SPATA31A6: variants seen among roughly 807,000 people sequenced by gnomAD.
SPATA31A6 encodes the protein spermatogenesis-associated protein 31A6.
In SPATA31A6, 9 loss-of-function variants were observed where a neutral mutation model predicts 11.9. That is an observed-to-expected ratio of 0.76 (90% CI 0.46 to 1.32). The LOEUF (loss-of-function observed/expected upper bound fraction) is 1.32, where lower values mean the gene tolerates loss of function less well. SPATA31A6 is among the 40% of genes most tolerant of loss of function. The probability of loss-of-function intolerance (pLI) is 0.00; values close to 1 mark genes in which losing one functional copy is unlikely to be tolerated. For synonymous variants in SPATA31A6, 314 were observed against 572.1 expected, an observed-to-expected ratio of 0.55 and a Z score of 6.44; for missense variants, 855 against 1,467.3, an observed-to-expected ratio of 0.58 and a Z score of 6.82.
intron 2 of SPATA31A6, 172 bp downstream of exon 2, chr9:42,185,298 A>G: frequency 3.3e-6 from 3 of 905,448 alleles, no homozygotes; most frequent in Non-Finnish European, 3.3e-6. Context: ...TGGGCCAGGG[A>G]CTGGGCGTTA....
Position 42,186,956 on chromosome 9 carries a change from C to A in SPATA31A6, c.1254C>A (p.Gly418=). The change falls in exon 4 of 4, where the codon GGC becomes GGA. Residue 418 remains glycine (G), a synonymous_variant. Coordinates refer to ENST00000332857, the MANE Select transcript of SPATA31A6 (RefSeq NM_001145196.1). ...AGAATTATAGCCAGCTTTTCTGGGG[C>A]CTCCCCTCTCTGCACAGCGAGTCCC... ...FWKNYSQLFW[G]LPSLHSESLV... 6 of 1,543,544 alleles carry A rather than the reference C, an allele frequency of 3.9e-6. 1 individual carries two copies. Among genetic ancestry groups the A allele is most frequent in the Non-Finnish European group, 5.3e-6 (6 of 1,142,104 alleles).
Position 42,189,117 on chromosome 9 carries a change from C to T in SPATA31A6, c.3415C>T (p.His1139Tyr). 1 of 1,545,196 alleles carries T rather than the reference C, an allele frequency of 6.5e-7. No individual in the cohort carries two copies. Among genetic ancestry groups the T allele is most frequent in the East Asian group, 2.4e-5 (1 of 42,068 alleles). Residue 1139 changes from histidine (H) to tyrosine (Y), a missense_variant, in exon 4 of 4, where the codon CAT (histidine) becomes TAT (tyrosine). His to Tyr is a moderately conservative substitution (Grantham distance 83, BLOSUM62 2). Coordinates refer to ENST00000332857, the MANE Select transcript of SPATA31A6 (RefSeq NM_001145196.1). ...CCCAGTCAGGAAAACAGAAGACACC[C>T]ATCAGGATGAAGGCGTCCAGCTACT... Reference protein sequence around the residue: ...LTPVRKTEDTHQDEGVQLLPS... With the variant: ...LTPVRKTEDTYQDEGVQLLPS...
Position 42,189,250 on chromosome 9 carries a change from C to T in SPATA31A6, c.3548C>T (p.Ala1183Val), listed in dbSNP as rs527397351. 14 of 1,556,272 alleles carry T rather than the reference C, an allele frequency of 9.0e-6. 1 individual carries two copies. The East Asian group carries it at 2.6e-4, about 29-fold the overall frequency. ...AAAAGCAAGCCAGCACCAGTCACTG[C>T]TGAGAGCCAAAAAACAGTAAAAAAC... ...KKKSKPAPVTAESQKTVKNRS... is the reference protein window; with the variant it reads ...KKKSKPAPVTVESQKTVKNRS... Residue 1183 changes from alanine (A) to valine (V), a missense_variant, in exon 4 of 4, where the codon GCT (alanine) becomes GTT (valine). Coordinates refer to ENST00000332857, the MANE Select transcript of SPATA31A6 (RefSeq NM_001145196.1).
rs1367387147 is a variant in SPATA31A6, at chr9:42,189,175, A to C, written c.3473A>C (p.His1158Pro). Residue 1158 changes from histidine (H) to proline (P), a missense_variant, in exon 4 of 4, where the codon CAC becomes CCC. Coordinates refer to ENST00000332857, the MANE Select transcript of SPATA31A6 (RefSeq NM_001145196.1). ...AAGAAACAGCCTCCTTCAGTAAGCC[A>C]CTTTGGAGAAAACATCAAGCAATTT... ...PSKKQPPSVS[H>P]FGENIKQFFQ... is the part of the protein sequence containing the mutation. 5.2e-5 allele frequency: 80 copies of C among 1,544,268 alleles called. 13 individuals carry two copies. The highest frequency in any genetic ancestry group is 6.4e-5 in the Non-Finnish European group (73 of 1,138,452).
chr9:42,185,878 C>T, intron 3 of SPATA31A6, 123 bp downstream of exon 3: 5 of 1,454,216 alleles, frequency 3.4e-6, no homozygotes, highest in South Asian at 1.3e-5. Flanking sequence ...GGAGTAAAAC[C>T]CTGGGGCGAG....
chr9:42,184,172 G>C (rs1283780846), intron 1 of SPATA31A6, among the ~76,000 whole-genome samples: 3 of 137,856 alleles, frequency 2.2e-5, no homozygotes, highest in African/African-American at 8.8e-5. Context: ...GGAGGTCTCT[G>C]TCCGAGACCA....
In SPATA31A6 at chr9:42,183,804, C is replaced by A. The variant is rs771269620; in HGVS notation, c.117C>A (p.Phe39Leu). 8 of 1,534,714 alleles carry A rather than the reference C, an allele frequency of 5.2e-6. 2 individuals are homozygous for A. Among genetic ancestry groups the A allele is most frequent in the African/African-American group, 4.8e-5 (3 of 62,640 alleles). ...FLTLVFALGFFFLLLPYLSYF... is the reference protein window; with the variant it reads ...FLTLVFALGFLFLLLPYLSYF... The stretch of plus-strand genomic sequence containing the variant: ...CCTTGGTGTTTGCCCTGGGGTTCTT[C>A]TTCCTATTACTCCCCTACTTATCTT... The change falls in exon 1 of 4, where the codon TTC (phenylalanine) becomes TTA (leucine). Residue 39 changes from phenylalanine (F) to leucine (L), a missense_variant. Physicochemically the swap from Phe to Leu is conservative, Grantham distance 22 (BLOSUM62 0). Transcript: ENST00000332857.
intron 1 of SPATA31A6, 26 bp downstream of exon 1, chr9:42,183,902 C>T: frequency 6.5e-7 from 1 of 1,527,998 alleles, no homozygotes; most frequent in Admixed American, 1.8e-5. Flanking sequence ...TCCCGACCCA[C>T]AGAGCTTGAT....
In SPATA31A6 at chr9:42,183,802, T is replaced by C; in HGVS notation, c.115T>C (p.Phe39Leu). 1 of 1,535,214 alleles carries C rather than the reference T, an allele frequency of 6.5e-7. No homozygotes were observed. Among genetic ancestry groups the C allele is most frequent in the South Asian group, 1.2e-5 (1 of 86,670 alleles). ...CACCTTGGTGTTTGCCCTGGGGTTC[T>C]TCTTCCTATTACTCCCCTACTTATC... ...FLTLVFALGF[F>L]FLLLPYLSYF... Residue 39 changes from phenylalanine to leucine, a missense_variant, in exon 1 of 4, where the codon TTC (phenylalanine) becomes CTC (leucine). Transcript: ENST00000332857.
Position 42,188,957 on chromosome 9 carries a change from A to T in SPATA31A6, c.3255A>T (p.Arg1085Ser), listed in dbSNP as rs1829514686. 1 of 1,544,406 alleles carries T rather than the reference A, an allele frequency of 6.5e-7. No homozygotes were observed. The highest frequency in any genetic ancestry group is 1.5e-5 in the African/African-American group (1 of 65,170). ...GCAAACTGGTGCAAGAGGAGCCCAG[A>T]AACCCAAACTGTCAAGGCTCATGCA... is the stretch of plus-strand genomic sequence containing the variant. ...RRSKLVQEEP[R>S]NPNCQGSCKS... Residue 1085 changes from arginine to serine, a missense_variant, in exon 4 of 4, where the codon AGA becomes AGT. Coordinates refer to ENST00000332857, the MANE Select transcript of SPATA31A6 (RefSeq NM_001145196.1).
intron 1 of SPATA31A6, among the ~76,000 whole-genome samples, chr9:42,184,439 CTGTG>C (rs71364261): frequency 0.51 from 51,660 of 101,998 alleles, 14,482 homozygotes; most frequent in East Asian, 0.64. Context: ...GAAAATCCCT[CTGTG>C]TGTGTGTGTG....
At chr9:42,185,012 C>T (rs1829418709) in intron 1 of SPATA31A6, 57 bp from the exon 2 acceptor site, 1 of 1,522,706 alleles carries the variant, frequency 6.6e-7, no homozygotes, top group East Asian at 2.5e-5. Flanking sequence ...TCTTGTCTCC[C>T]ATTGTCATCT....
Position 42,185,571 on chromosome 9 carries a change from G to A in SPATA31A6, c.248-124G>A, listed in dbSNP as rs1829431190. 2.6e-6 allele frequency: 3 copies of A among 1,138,006 alleles called. 1 individual carries two copies. The highest frequency in any genetic ancestry group is 3.8e-6 in the Non-Finnish European group (3 of 795,540). The allele number at this position is 1,138,006 out of a possible 1,614,324, so 70.5% of individuals were successfully genotyped here. On this transcript the variant is annotated intron_variant, in intron 2 of 3. Coordinates refer to ENST00000332857, the MANE Select transcript of SPATA31A6 (RefSeq NM_001145196.1). Reference sequence around the variant, plus strand: ...TTAACGTCGGGGTCATGTGGCTTTGGACACAGATGGGTGGGGTCCAGGGTC... The same window carrying A: ...TTAACGTCGGGGTCATGTGGCTTTGAACACAGATGGGTGGGGTCCAGGGTC...
chr9:42,188,988 C>T lies in SPATA31A6; in HGVS notation c.3286C>T (p.Gln1096Ter), dbSNP rs1436048039. ...NPNCQGSCKS[Q>*]RPMFPPIHKS... ...AAACTGTCAAGGCTCATGCAAGAGC[C>T]AAAGGCCAATGTTTCCCCCTATTCA... The change falls in exon 4 of 4, where the codon CAA becomes TAA. Residue 1096 changes from glutamine to a stop codon, truncating the protein, a stop_gained. Transcript: ENST00000332857. LOFTEE classifies it low-confidence loss of function (END_TRUNC). The T allele has an allele frequency of 1.9e-6, 3 of 1,548,480 alleles. 1 individual carries two copies. Among genetic ancestry groups the T allele is most frequent in the East Asian group, 2.4e-5 (1 of 42,054 alleles).
At position 42,187,120 on chromosome 9, in the gene SPATA31A6, C is replaced by G. The variant is rs751077235; in HGVS notation, c.1418C>G (p.Ser473Cys). The change falls in exon 4 of 4, where the codon TCC (serine) becomes TGC (cysteine). Residue 473 changes from serine (S) to cysteine (C), a missense_variant. Ser to Cys is a moderately radical substitution (Grantham distance 112, BLOSUM62 -1). Coordinates refer to ENST00000332857, the MANE Select transcript of SPATA31A6 (RefSeq NM_001145196.1). ...SPLLFQAQPL[S>C]HRQPFISSTP... ...CTGCTTTTCCAGGCCCAGCCCCTGTCCCACCGCCAACCCTTTATTTCATCC... is the reference window on the plus strand; with the variant it reads ...CTGCTTTTCCAGGCCCAGCCCCTGTGCCACCGCCAACCCTTTATTTCATCC... 1 of 1,540,980 alleles carries G rather than the reference C, an allele frequency of 6.5e-7. No individual in the cohort carries two copies. The highest frequency in any genetic ancestry group is 1.8e-5 in the Admixed American group (1 of 57,132).
Position 42,188,939 on chromosome 9 carries a change from G to T in SPATA31A6, c.3237G>T (p.Leu1079=), listed in dbSNP as rs746988708. Residue 1079 remains leucine (L), a synonymous_variant, in exon 4 of 4, where the codon CTG becomes CTT. Coordinates refer to ENST00000332857, the MANE Select transcript of SPATA31A6 (RefSeq NM_001145196.1). ...HDLMAARRSK[L]VQEEPRNPNC... is the part of the protein sequence containing the mutation. ...TCATGGCAGCCAGAAGGAGCAAACT[G>T]GTGCAAGAGGAGCCCAGAAACCCAA... 1 of 1,541,664 alleles carries T rather than the reference G, an allele frequency of 6.5e-7. No individual in the cohort carries two copies. Among genetic ancestry groups the T allele is most frequent in the Non-Finnish European group, 8.8e-7 (1 of 1,137,262 alleles).
chr9:42,187,245 A>G lies in SPATA31A6; in HGVS notation c.1543A>G (p.Lys515Glu). The change falls in exon 4 of 4, where the codon AAG becomes GAG. Residue 515 changes from lysine (K) to glutamate (E), a missense_variant. Physicochemically the swap from Lys to Glu is moderately conservative, Grantham distance 56. Transcript: ENST00000332857. ...ATCTCCTGCTTTTCCATCCCTGATTAAGAACACTGGAGTAGCTTGCCCTGC... is the reference window on the plus strand; with the variant it reads ...ATCTCCTGCTTTTCCATCCCTGATTGAGAACACTGGAGTAGCTTGCCCTGC... Reference protein sequence around the residue: ...VLSPAFPSLIKNTGVACPASQ... With the variant: ...VLSPAFPSLIENTGVACPASQ... The G allele has an allele frequency of 6.5e-7, 1 of 1,542,728 alleles. No individual in the cohort carries two copies. Among genetic ancestry groups the G allele is most frequent in the Non-Finnish European group, 8.8e-7 (1 of 1,138,112 alleles).
At position 42,186,914 on chromosome 9, in the gene SPATA31A6, G is replaced by A. The variant is rs1242797525; in HGVS notation, c.1212G>A (p.Leu404=). The change falls in exon 4 of 4, where the codon TTG becomes TTA. Residue 404 remains leucine, a synonymous_variant. Coordinates refer to ENST00000332857, the MANE Select transcript of SPATA31A6 (RefSeq NM_001145196.1). ...AGAAGTGCTCAGATCCTAGGCTCTTGCAGGAAAGTTTTTGGAAGAATTATA... is the reference window on the plus strand; with the variant it reads ...AGAAGTGCTCAGATCCTAGGCTCTTACAGGAAAGTTTTTGGAAGAATTATA... The part of the protein sequence containing the change: ...GPQKCSDPRL[L]QESFWKNYSQ... 7 of 1,539,836 alleles carry A rather than the reference G, an allele frequency of 4.5e-6. No homozygotes were observed. The highest frequency in any genetic ancestry group is 5.3e-6 in the Non-Finnish European group (6 of 1,142,460).
chr9:42,185,594 G>A (rs1371691535), intron 2 of SPATA31A6, 101 bp from the exon 3 acceptor site: 2 of 1,257,198 alleles, frequency 1.6e-6, no homozygotes, highest in Admixed American at 2.0e-5. Context: ...GGGGTCCAGG[G>A]TCTAATTCCC....
Sources: gnomAD v4.1 joint callset for allele counts (sites outside exome capture counted in the v4.1 genomes callset) on GRCh38, gnomAD v4.1.1 for gene constraint, MANE v1.5 for transcripts, NCBI Gene and HGNC (gene_info 2026-07-23, HGNC 2026-07-21) for gene names.